Variants in ASIC2 observed in about 807,000 individuals in gnomAD.
ASIC2 encodes acid-sensing ion channel 2.
In ASIC2, 25 loss-of-function variants were observed where a neutral mutation model predicts 57.3. The observed-to-expected ratio is 0.44, with a 90% CI of 0.32 to 0.61. ASIC2 has a LOEUF of 0.61. Ranked by LOEUF, ASIC2 falls within the 20% of genes least tolerant of loss-of-function variation. The probability of loss-of-function intolerance (pLI) is 0.06; values close to 1 mark genes in which losing one functional copy is unlikely to be tolerated. For missense variants in ASIC2, 641 were observed against 738.1 expected, an observed-to-expected ratio of 0.87 and a Z score of 1.52; for synonymous variants, 319 against 307.5, an observed-to-expected ratio of 1.04 and a Z score of -0.39.
intron 1 of ASIC2, among the ~76,000 whole-genome samples, chr17:34,026,213 C>G (rs150253903): frequency 6.6e-6 from 1 of 152,196 alleles, no homozygotes; most frequent in African/African-American, 2.4e-5. Flanking sequence ...GCCACCTTCA[C>G]CCCTGGAATC....
intron 1 of ASIC2, among the ~76,000 whole-genome samples, chr17:33,579,613 C>T (rs921568135): frequency 5.3e-5 from 8 of 152,232 alleles, no homozygotes; most frequent in African/African-American, 1.2e-4. Context: ...GGAGTTTGTT[C>T]CTTCAGGTGT....
chr17:33,614,221 C>T (rs1160260408), intron 1 of ASIC2, among the ~76,000 whole-genome samples: 4 of 152,144 alleles, frequency 2.6e-5, no homozygotes, highest in East Asian at 1.9e-4. Flanking sequence ...GTTTCTTGAG[C>T]AAACTATTTT....
At chr17:33,734,332 C>T (rs1486203072) in intron 1 of ASIC2, among the ~76,000 whole-genome samples, 1 of 152,134 alleles carries the variant, frequency 6.6e-6, no homozygotes, top group Admixed American at 6.6e-5. Context: ...CCCTTCCCCC[C>T]GGGCTCCCAC....
At chr17:33,999,052 G>A (rs1054580059) in intron 1 of ASIC2, among the ~76,000 whole-genome samples, 1 of 152,068 alleles carries the variant, frequency 6.6e-6, no homozygotes, top group South Asian at 2.1e-4. Context: ...AATGTTGGAT[G>A]TATATATATT....
At chr17:34,109,044 ATTTTAT>A (rs1269727605) in intron 1 of ASIC2, among the ~76,000 whole-genome samples, 4 of 28,144 alleles carry the variant, frequency 1.4e-4, no homozygotes, top group East Asian at 1.4e-3. Flanking sequence ...ATTTTATTTT[ATTTTAT>A]TTTTATTTTA....
chr17:33,771,827 G>C (rs1911123011), intron 1 of ASIC2, among the ~76,000 whole-genome samples: 1 of 152,202 alleles, frequency 6.6e-6, no homozygotes, highest in South Asian at 2.1e-4. Context: ...GTGGTAATTA[G>C]ATTTCCATCA....
At chr17:33,049,832 TC>T (rs2091968306) in intron 3 of ASIC2, among the ~76,000 whole-genome samples, 1 of 152,146 alleles carries the variant, frequency 6.6e-6, no homozygotes. Flanking sequence ...GTGCTCCTCT[TC>T]CCCAGGACTG....
chr17:33,856,367 T>C (rs1913928656), intron 1 of ASIC2, among the ~76,000 whole-genome samples: 1 of 152,214 alleles, frequency 6.6e-6, no homozygotes, highest in Admixed American at 6.5e-5. Flanking sequence ...AGTTGTATGG[T>C]AGCAGTAGCA....
chr17:33,559,191 C>T (rs948007306), intron 1 of ASIC2, among the ~76,000 whole-genome samples: 1 of 152,184 alleles, frequency 6.6e-6, no homozygotes, highest in African/African-American at 2.4e-5. Context: ...AGTATTTTTG[C>T]TCCACTCTCA....
chr17:34,087,726 G>C (rs1450469206), intron 1 of ASIC2, among the ~76,000 whole-genome samples: 1 of 151,866 alleles, frequency 6.6e-6, no homozygotes, highest in Non-Finnish European at 1.5e-5. Context: ...TTTCTTGGAG[G>C]CTTTGTTCAT....
intron 1 of ASIC2, among the ~76,000 whole-genome samples, chr17:33,210,480 C>G (rs191795211): frequency 2.0e-5 from 3 of 152,152 alleles, no homozygotes; most frequent in African/African-American, 4.8e-5. Context: ...TCCCCTCCAC[C>G]CCCCAACCCA....
intron 1 of ASIC2, among the ~76,000 whole-genome samples, chr17:33,932,251 T>C (rs1448970415): frequency 6.6e-6 from 1 of 152,190 alleles, no homozygotes. Flanking sequence ...GGCTTTGAGC[T>C]CCTGAAACAT....
chr17:33,310,092 T>C (rs971840877), intron 1 of ASIC2, among the ~76,000 whole-genome samples: 2 of 151,762 alleles, frequency 1.3e-5, no homozygotes, highest in Admixed American at 6.6e-5. Context: ...ATTATTGTTA[T>C]ACCATTATTT....
At chr17:33,951,801 C>T (rs968295215) in intron 1 of ASIC2, among the ~76,000 whole-genome samples, 16 of 150,704 alleles carry the variant, frequency 1.1e-4, no homozygotes, top group Non-Finnish European at 2.2e-4. Flanking sequence ...ATCATGTTGG[C>T]CAGGCTGGTC....
At chr17:33,703,594 C>A (rs1908775125) in intron 1 of ASIC2, among the ~76,000 whole-genome samples, 1 of 152,174 alleles carries the variant, frequency 6.6e-6, no homozygotes, top group South Asian at 2.1e-4. Context: ...CTCAAGCAAT[C>A]CACCCACTTT....
chr17:33,579,072 G>A (rs1053836163), intron 1 of ASIC2, among the ~76,000 whole-genome samples: 4 of 151,868 alleles, frequency 2.6e-5, no homozygotes, highest in Non-Finnish European at 4.4e-5. Context: ...GATCACTTGA[G>A]GTCAGGGATT....
chr17:33,714,647 C>T (rs1909153326), intron 1 of ASIC2, among the ~76,000 whole-genome samples: 1 of 152,078 alleles, frequency 6.6e-6, no homozygotes, highest in African/African-American at 2.4e-5. Context: ...ATCTCGATTG[C>T]CTTTAGGCTT....
chr17:33,326,132 T>A (rs1907067467), intron 1 of ASIC2, among the ~76,000 whole-genome samples: 1 of 152,234 alleles, frequency 6.6e-6, no homozygotes, highest in African/African-American at 2.4e-5. Flanking sequence ...AGAGATTGTA[T>A]CTGTTGTGCA....
At chr17:33,571,240 C>T (rs546141404) in intron 1 of ASIC2, among the ~76,000 whole-genome samples, 1 of 152,314 alleles carries the variant, frequency 6.6e-6, no homozygotes, top group South Asian at 2.1e-4. Context: ...CTCTGTGAGG[C>T]AGGGGCTATG....
Sources: allele counts gnomAD v4.1 joint callset (sites outside exome capture counted in the v4.1 genomes callset), GRCh38; gene constraint gnomAD v4.1.1; transcripts MANE v1.5; gene names NCBI Gene and HGNC (gene_info 2026-07-23, HGNC 2026-07-21).